Variants in ZNF662 observed in about 807,000 individuals in gnomAD.
The protein encoded by ZNF662 is zinc finger protein 662.
Under a neutral mutation model 12.4 loss-of-function variants are expected in ZNF662, and 14 were observed. The observed-to-expected ratio is 1.13, with a 90% CI of 0.75 to 1.77. The LOEUF (loss-of-function observed/expected upper bound fraction) is 1.77. Among genes scored for constraint, ZNF662 ranks in the 40% most tolerant of loss-of-function variants. The pLI is 0.00. For missense variants in ZNF662, 550 were observed against 515.6 expected, an observed-to-expected ratio of 1.07 and a Z score of -0.65; for synonymous variants, 184 against 176.4, an observed-to-expected ratio of 1.04 and a Z score of -0.34.
At position 42,917,765 on chromosome 3, in the gene ZNF662, G is replaced by A. The variant is rs2088909307; in HGVS notation, c.*2411G>A. ...TTCCTCTTGCTCAGTAGTCTCATAA[G>A]CTTCTCAGTTTTATCTCATCTCAGT... On this transcript the variant is annotated 3_prime_UTR_variant, in exon 5 of 5. Coordinates refer to ENST00000440367, the MANE Select transcript of ZNF662 (RefSeq NM_207404.4). 1 of 587,424 alleles carries A rather than the reference G, an allele frequency of 1.7e-6. No homozygotes were observed. Among genetic ancestry groups the A allele is most frequent in the Non-Finnish European group, 3.0e-6 (1 of 335,136 alleles). 36.4% of individuals were successfully genotyped at this position (587,424 alleles called of 1,614,324 possible). A position where few individuals can be genotyped will look rare whatever the true frequency, so the allele number is the denominator to read the frequency against.
chr3:42,912,671 T>A (rs56178188), intron 3 of ZNF662, among the ~76,000 whole-genome samples: 3,557 of 45,544 alleles, frequency 0.078, 230 homozygotes, highest in East Asian at 0.1. Context: ...TATATATTTT[T>A]TATATATATA....
At chr3:42,912,670 T>TA (rs2088831508) in intron 3 of ZNF662, among the ~76,000 whole-genome samples, 6 of 49,786 alleles carry the variant, frequency 1.2e-4, no homozygotes, top group African/African-American at 2.7e-4. Flanking sequence ...ATATATATTT[T>TA]TTATATATAT....
chr3:42,915,476 C>T lies in ZNF662; in HGVS notation c.*122C>T. 1 of 917,204 alleles carries T rather than the reference C, an allele frequency of 1.1e-6. No homozygotes were observed. The highest frequency in any genetic ancestry group is 2.9e-5 in the Admixed American group (1 of 33,912). The allele number at this position is 917,204 out of a possible 1,614,324, so 56.8% of individuals were successfully genotyped here. A position where few individuals can be genotyped will look rare whatever the true frequency, so the allele number is the denominator to read the frequency against. On this transcript the variant is annotated 3_prime_UTR_variant, in exon 5 of 5. Coordinates refer to ENST00000440367, the MANE Select transcript of ZNF662 (RefSeq NM_207404.4). ...CTTAAATAGCCAGTATTATCTTGCC[C>T]TTTTGAACATTTACCATGTACTCTA...
intron 3 of ZNF662, among the ~76,000 whole-genome samples, chr3:42,912,477 T>A (rs1283598139): frequency 3.6e-5 from 2 of 55,022 alleles, no homozygotes; most frequent in South Asian, 9.3e-4. Flanking sequence ...TATATATTTT[T>A]ATATATTTAA....
intron 3 of ZNF662, 146 bp downstream of exon 3, chr3:42,909,055 C>CT: frequency 5.6e-6 from 3 of 537,892 alleles, no homozygotes; most frequent in Non-Finnish European, 9.2e-6. Context: ...TTTATGTCTT[C>CT]TTTTTTTAAA....
intron 3 of ZNF662, among the ~76,000 whole-genome samples, chr3:42,909,971 A>G (rs2088757943): frequency 1.3e-5 from 2 of 152,158 alleles, no homozygotes; most frequent in African/African-American, 2.4e-5. Context: ...CAGACGCTGC[A>G]ATCTCGGCAC....
In ZNF662 at chr3:42,915,568, A is replaced by G; in HGVS notation, c.*214A>G. 1.9e-6 allele frequency: 1 copy of G among 522,518 alleles called. No individual in the cohort carries two copies. The highest frequency in any genetic ancestry group is 3.3e-6 in the Non-Finnish European group (1 of 300,972). 32.4% of individuals were successfully genotyped at this position (522,518 alleles called of 1,614,324 possible). ...TCATTTAGTTGGGCAGCTACTCTGTATCAGGTGCTAACCACTTTACATACA... is the reference window on the plus strand; with the variant it reads ...TCATTTAGTTGGGCAGCTACTCTGTGTCAGGTGCTAACCACTTTACATACA... On this transcript the variant is annotated 3_prime_UTR_variant, in exon 5 of 5. Coordinates refer to ENST00000440367, the MANE Select transcript of ZNF662 (RefSeq NM_207404.4).
At position 42,914,376 on chromosome 3, in the gene ZNF662, T is replaced by G. The variant is rs2088872816; in HGVS notation, c.303T>G (p.Ile101Met). Residue 101 changes from isoleucine (I) to methionine (M), a missense_variant, in exon 5 of 5, where the codon ATT (isoleucine) becomes ATG (methionine). Transcript: ENST00000440367. ...KKEDFILKEE[I>M]IEEAQDLMVL... is the part of the protein sequence containing the mutation. ...AAGATTTTATTCTGAAGGAGGAAAT[T>G]ATTGAGGAAGCACAGGACCTCATGG... 1.9e-6 allele frequency: 3 copies of G among 1,608,164 alleles called. No individual in the cohort carries two copies. The highest frequency in any genetic ancestry group is 2.2e-5 in the South Asian group (2 of 89,412).
chr3:42,915,117 T>C lies in ZNF662; in HGVS notation c.1044T>C (p.Ser348=). The C allele has an allele frequency of 6.2e-7, 1 of 1,614,194 alleles. No individual in the cohort carries two copies. Among genetic ancestry groups the C allele is most frequent in the African/African-American group, 1.3e-5 (1 of 75,050 alleles). The change falls in exon 5 of 5, where the codon TCT becomes TCC. Residue 348 remains serine (S), a synonymous_variant. Coordinates refer to ENST00000440367, the MANE Select transcript of ZNF662 (RefSeq NM_207404.4). The part of the protein sequence containing the change: ...GKGFMWNSDL[S]QHQRVHTGDK... ...GCTTCATGTGGAACTCAGATCTTTC[T>C]CAGCACCAGAGGGTCCACACTGGGG...
chr3:42,910,219 G>T (rs1180600073), intron 3 of ZNF662, among the ~76,000 whole-genome samples: 1 of 152,188 alleles, frequency 6.6e-6, no homozygotes. Context: ...AGGCGTGGCG[G>T]CGCCCGCCTG....
At chr3:42,912,720 A>ATATATATATAAATATATATATAT (rs2088841040) in intron 3 of ZNF662, among the ~76,000 whole-genome samples, 1 of 66,426 alleles carries the variant, frequency 1.5e-5, no homozygotes, top group Non-Finnish European at 2.8e-5. Flanking sequence ...ATATATATAT[A>ATATATATATAAATATATATATAT]TTTTTTATAT....
intron 3 of ZNF662, among the ~76,000 whole-genome samples, chr3:42,909,965 C>T (rs537623791): frequency 2.6e-5 from 4 of 151,776 alleles, no homozygotes; most frequent in East Asian, 3.9e-4. Flanking sequence ...GCCGGGCAGA[C>T]GCTGCAATCT....
intron 3 of ZNF662, 128 bp downstream of exon 3, chr3:42,909,037 C>T: frequency 1.7e-6 from 1 of 580,598 alleles, no homozygotes; most frequent in Non-Finnish European, 2.8e-6. Flanking sequence ...TCTCTGTGTT[C>T]CCATAGTTTT....
chr3:42,910,531 C>T (rs2088771623), intron 3 of ZNF662, among the ~76,000 whole-genome samples: 1 of 152,072 alleles, frequency 6.6e-6, no homozygotes, highest in Non-Finnish European at 1.5e-5. Context: ...ATCTTGGGTG[C>T]CCTTTCTACT....
intron 3 of ZNF662, among the ~76,000 whole-genome samples, chr3:42,912,698 A>ATATATATATAAATATATATATATATTTTT (rs2088838241): frequency 1.8e-5 from 1 of 56,136 alleles, no homozygotes; most frequent in African/African-American, 7.5e-5. Context: ...TATATATTTT[A>ATATATATATAAATATATATATATATTTTT]TATATATAAA....
At position 42,909,687 on chromosome 3, in the gene ZNF662, G is replaced by C. The variant is rs995751215; in HGVS notation, c.151+778G>C. On this transcript the variant is annotated intron_variant, in intron 3 of 4. Coordinates refer to ENST00000440367, the MANE Select transcript of ZNF662 (RefSeq NM_207404.4). ...CTCCCAGACGGGGCAGCGGCTGGGCGGGGGCTGCCCCCCACCTCCCGGAGG... is the reference window on the plus strand; with the variant it reads ...CTCCCAGACGGGGCAGCGGCTGGGCCGGGGCTGCCCCCCACCTCCCGGAGG... Among the ~76,000 whole-genome samples the C allele has an allele frequency of 1.0e-4, 15 of 150,692 alleles. No individual in the cohort carries two copies. The East Asian group carries it at 3.3e-3, about 33-fold the overall frequency.
chr3:42,908,712 G>A (rs2088720559), intron 2 of ZNF662, 81 bp from the exon 3 acceptor site: 1 of 1,513,170 alleles, frequency 6.6e-7, no homozygotes. Flanking sequence ...TCCTACCCCT[G>A]AAGACACTGG....
intron 3 of ZNF662, among the ~76,000 whole-genome samples, chr3:42,909,298 T>C (rs2088735256): frequency 6.6e-6 from 1 of 152,150 alleles, no homozygotes; most frequent in African/African-American, 2.4e-5. Context: ...AAGCATCTGT[T>C]TAACAAAGCA....
rs573277975 is a variant in ZNF662 at position 42,916,648 on chromosome 3, G to A, written c.*1294G>A. ...CAAAGTGCTGGGATTACAGGCCTCA[G>A]CTACCACGCCTGGCCAATCCAGGTC... On this transcript the variant is annotated 3_prime_UTR_variant, in exon 5 of 5. Transcript: ENST00000440367. 2.6e-5 allele frequency: 4 copies of A among 152,314 alleles called. No homozygotes were observed. The South Asian group carries it at 6.2e-4, about 24-fold the overall frequency. The allele number at this position is 152,314 out of a possible 1,614,324, so 9.4% of individuals were successfully genotyped here.
Sources: gnomAD v4.1 joint callset for allele counts (sites outside exome capture counted in the v4.1 genomes callset) on GRCh38, gnomAD v4.1.1 for gene constraint, MANE v1.5 for transcripts, NCBI Gene and HGNC (gene_info 2026-07-23, HGNC 2026-07-21) for gene names.